Variants in HSPD1 observed in about 807,000 individuals in gnomAD.
The protein encoded by HSPD1 is heat shock protein family D (Hsp60) member 1.
In HSPD1, 3 loss-of-function variants were observed where a neutral mutation model predicts 53.0. The ratio of observed to expected loss-of-function variants is 0.06; its 90% CI spans 0.03 to 0.15. The LOEUF is 0.15. Among genes scored for constraint, HSPD1 ranks in the 10% least tolerant of loss-of-function variants. The pLI is 1.00. For missense variants in HSPD1, 431 were observed against 694.1 expected, an observed-to-expected ratio of 0.62 and a Z score of 4.26; for synonymous variants, 200 against 228.0, an observed-to-expected ratio of 0.88 and a Z score of 1.10.
At position 197,495,375 on chromosome 2, in the gene HSPD1, A is replaced by G. The variant is rs886055389; in HGVS notation, c.429T>C (p.Gly143=). The change falls in exon 4 of 12, where the codon GGT becomes GGC. Residue 143 remains glycine (G), a splice_region_variant and synonymous_variant. Transcript: ENST00000388968. ...KGANPVEIRR[G]VMLAVDAVIA... ...TTACAGCATCAACAGCTAACATCAC[A>G]CCTAGTTCAACGATATATGTCATTA... 26 of 1,583,836 alleles carry G rather than the reference A, an allele frequency of 1.6e-5. No individual in the cohort carries two copies. The highest frequency in any genetic ancestry group is 1.9e-5 in the Non-Finnish European group (22 of 1,152,598).
At chr2:197,490,390 C>G (rs968954850) in intron 7 of HSPD1, 94 bp from the exon 8 acceptor site, 1 of 937,154 alleles carries the variant, frequency 1.1e-6, no homozygotes, top group Non-Finnish European at 1.7e-6. Flanking sequence ...TTAGGACTCC[C>G]TAAGTAATCT....
chr2:197,488,734 G>A (rs2086055847), intron 9 of HSPD1, among the ~76,000 whole-genome samples: 1 of 152,128 alleles, frequency 6.6e-6, no homozygotes, highest in Non-Finnish European at 1.5e-5. Flanking sequence ...CAGGCATGGT[G>A]GCAAGTGCCT....
intron 1 of HSPD1, 112 bp from the exon 2 acceptor site, chr2:197,498,962 C>G: frequency 5.4e-6 from 5 of 923,278 alleles, no homozygotes; most frequent in Non-Finnish European, 8.6e-6. Flanking sequence ...GCCTGGCTGA[C>G]CTCCGCCAGC....
chr2:197,494,858 G>A (rs1352845729), intron 4 of HSPD1, 106 bp from the exon 5 acceptor site: 3 of 764,414 alleles, frequency 3.9e-6, no homozygotes, highest in Non-Finnish European at 7.1e-6. Flanking sequence ...TCCATCCAGG[G>A]GAGAGAAGGG....
chr2:197,492,940 G>T (rs2086112744), intron 7 of HSPD1, among the ~76,000 whole-genome samples: 1 of 150,396 alleles, frequency 6.6e-6, no homozygotes, highest in South Asian at 2.1e-4. Flanking sequence ...CTAGGAGATG[G>T]AGATTGCAGT....
At chr2:197,495,484 A>G in intron 3 of HSPD1, 108 bp from the exon 4 acceptor site, 1 of 828,006 alleles carries the variant, frequency 1.2e-6, no homozygotes, top group Non-Finnish European at 2.0e-6. Context: ...AACTTAAAAA[A>G]AAAAATTTTT....
intron 7 of HSPD1, among the ~76,000 whole-genome samples, chr2:197,491,243 A>G (rs904566550): frequency 6.8e-6 from 1 of 146,362 alleles, no homozygotes; most frequent in African/African-American, 2.5e-5. Flanking sequence ...GCTGGAGTGC[A>G]GTGGCGAGAT....
rs2106070461 is a variant in HSPD1, at chr2:197,487,882, T to C, written c.1545A>G (p.Glu515=). 1 of 1,613,850 alleles carries C rather than the reference T, an allele frequency of 6.2e-7. No individual in the cohort carries two copies. Among genetic ancestry groups the C allele is most frequent in the Non-Finnish European group, 8.5e-7 (1 of 1,179,740 alleles). ...CCTTTGTTGGGTCAATGATTCCTTTTTCCACCATATTCACAAAATCTCCAG... is the reference window on the plus strand; with the variant it reads ...CCTTTGTTGGGTCAATGATTCCTTTCTCCACCATATTCACAAAATCTCCAG... ...AMAGDFVNMV[E]KGIIDPTKVV... is the part of the protein sequence containing the mutation. Residue 515 remains glutamate, a synonymous_variant, in exon 11 of 12, where the codon GAA becomes GAG. Transcript: ENST00000388968.
intron 3 of HSPD1, 195 bp downstream of exon 3, chr2:197,496,945 A>G: frequency 1.6e-6 from 1 of 619,666 alleles, no homozygotes; most frequent in Non-Finnish European, 2.9e-6. Flanking sequence ...AAAATATCAA[A>G]ATTACCTAAC....
At chr2:197,496,690 T>C (rs2086161963) in intron 3 of HSPD1, among the ~76,000 whole-genome samples, 1 of 152,222 alleles carries the variant, frequency 6.6e-6, no homozygotes, top group Non-Finnish European at 1.5e-5. Flanking sequence ...TGGTGTGTGC[T>C]ATTAAGAAAA....
chr2:197,490,335 A>G, intron 7 of HSPD1, 39 bp from the exon 8 acceptor site: 2 of 1,444,246 alleles, frequency 1.4e-6, no homozygotes, highest in Non-Finnish European at 2.0e-6. Context: ...AAATGAAATA[A>G]AAATGCCTAT....
intron 2 of HSPD1, among the ~76,000 whole-genome samples, chr2:197,498,301 A>T (rs2086185568): frequency 1.3e-5 from 2 of 152,236 alleles, no homozygotes; most frequent in Admixed American, 1.3e-4. Flanking sequence ...CTACAAGCAC[A>T]TACCTAAGGA....
At chr2:197,497,503 G>T in intron 2 of HSPD1, 111 bp from the exon 3 acceptor site, 3 of 1,130,528 alleles carry the variant, frequency 2.7e-6, no homozygotes, top group Non-Finnish European at 4.0e-6. Flanking sequence ...AACGTAAGTT[G>T]TGTCATTTTT....
chr2:197,495,910 G>C (rs981657362), intron 3 of HSPD1, among the ~76,000 whole-genome samples: 1 of 152,128 alleles, frequency 6.6e-6, no homozygotes, highest in Non-Finnish European at 1.5e-5. Context: ...ACTAAAACAA[G>C]GTAGATGTGT....
intron 9 of HSPD1, 47 bp from the exon 10 acceptor site, chr2:197,488,538 T>C: frequency 6.5e-7 from 1 of 1,526,824 alleles, no homozygotes; most frequent in Non-Finnish European, 9.1e-7. Flanking sequence ...TCATTCAAGA[T>C]GCTAATTGCC....
At chr2:197,493,566 G>A in intron 6 of HSPD1, 74 bp from the exon 7 acceptor site, 2 of 1,098,156 alleles carry the variant, frequency 1.8e-6, no homozygotes, top group South Asian at 2.6e-5. Flanking sequence ...GCGAAACCAA[G>A]GTTCCAATAC....
At chr2:197,495,800 T>C (rs2086149918) in intron 3 of HSPD1, among the ~76,000 whole-genome samples, 1 of 152,202 alleles carries the variant, frequency 6.6e-6, no homozygotes, top group Non-Finnish European at 1.5e-5. Flanking sequence ...TCTGAGACAG[T>C]GCTTCTTAAT....
At chr2:197,490,354 T>C (rs1406173948) in intron 7 of HSPD1, 58 bp from the exon 8 acceptor site, 1 of 1,302,640 alleles carries the variant, frequency 7.7e-7, no homozygotes, top group Non-Finnish European at 1.1e-6. Context: ...ATCTGTTTAA[T>C]TCCCCTCAAG....
chr2:197,495,229 GAAAAAAA>G lies in HSPD1; in HGVS notation c.510+58_510+64del, dbSNP rs879019471. 18 of 826,188 alleles carry G rather than the reference GAAAAAAA, an allele frequency of 2.2e-5. No individual in the cohort carries two copies. In the East Asian group the frequency reaches 3.2e-4, roughly 14 times the overall value. The allele number at this position is 826,188 out of a possible 1,614,324, so 51.2% of individuals were successfully genotyped here. A position where few individuals can be genotyped will look rare whatever the true frequency, so the allele number is the denominator to read the frequency against. Reference sequence around the variant, plus strand: ...TATTCTGACATTGGTGTGATCAAGGGAAAAAAAAAATCACACATGCCATTAAATTTTT... The same window carrying G: ...TATTCTGACATTGGTGTGATCAAGGGAAATCACACATGCCATTAAATTTTT... On this transcript the variant is annotated intron_variant, in intron 4 of 11. Transcript: ENST00000388968.
Sources: allele counts gnomAD v4.1 joint callset (sites outside exome capture counted in the v4.1 genomes callset), GRCh38; gene constraint gnomAD v4.1.1; transcripts MANE v1.5; gene names NCBI Gene and HGNC (gene_info 2026-07-23, HGNC 2026-07-21).